Variants in KIAA1217 observed in about 807,000 individuals in gnomAD.
The protein encoded by KIAA1217 is sickle tail protein homolog.
Under a neutral mutation model 163.9 loss-of-function variants are expected in KIAA1217, and 88 were observed. The ratio of observed to expected loss-of-function variants is 0.54; its 90% CI spans 0.45 to 0.64. The LOEUF (loss-of-function observed/expected upper bound fraction) is 0.64, where lower values mean the gene tolerates loss of function less well. KIAA1217 is among the 30% of genes least tolerant of loss of function. The pLI is 0.00. For missense variants in KIAA1217, 2,372 were observed against 2,475.0 expected (o/e 0.96, Z 0.88); for synonymous variants, 903 against 923.1 (o/e 0.98, Z 0.39).
intron 3 of KIAA1217, among the ~76,000 whole-genome samples, chr10:24,400,325 AT>A (rs2056377877): frequency 6.6e-6 from 1 of 152,212 alleles, no homozygotes; most frequent in South Asian, 2.1e-4. Flanking sequence ...TGCAGTAACA[AT>A]TCCCAAATCT....
intron 6 of KIAA1217, chr10:24,482,207 A>G (rs557123598): frequency 6.6e-6 from 1 of 152,342 alleles, no homozygotes; most frequent in Admixed American, 6.5e-5. Context: ...CTTTAAACAA[A>G]TCAATATCTC....
intron 2 of KIAA1217, among the ~76,000 whole-genome samples, chr10:24,066,333 G>C (rs906245212): frequency 3.9e-5 from 6 of 152,126 alleles, no homozygotes; most frequent in Non-Finnish European, 7.4e-5. Flanking sequence ...TTTAGGGCAG[G>C]CCTGGTGGTG....
At chr10:24,126,478 A>G (rs779289990) in intron 2 of KIAA1217, among the ~76,000 whole-genome samples, 5 of 152,088 alleles carry the variant, frequency 3.3e-5, no homozygotes, top group Admixed American at 6.6e-5. Flanking sequence ...CCAAAGTCCC[A>G]TATTTATTGT....
intron 5 of KIAA1217, among the ~76,000 whole-genome samples, chr10:24,441,629 T>G (rs924715626): frequency 6.6e-6 from 1 of 152,072 alleles, no homozygotes; most frequent in Non-Finnish European, 1.5e-5. Context: ...AGACTTGTGG[T>G]TCTCGGCTGG....
intron 2 of KIAA1217, among the ~76,000 whole-genome samples, chr10:24,164,284 G>T (rs972302556): frequency 6.6e-6 from 1 of 152,194 alleles, no homozygotes; most frequent in Non-Finnish European, 1.5e-5. Context: ...GAATCACTTA[G>T]GTTCACTTCA....
intron 1 of KIAA1217, among the ~76,000 whole-genome samples, chr10:24,002,855 C>T (rs779610254): frequency 1.3e-5 from 2 of 152,138 alleles, no homozygotes; most frequent in African/African-American, 4.8e-5. Context: ...CTTATGCCTT[C>T]GCATTCTCAT....
intron 7 of KIAA1217, 195 bp from the exon 8 acceptor site, chr10:24,494,952 T>C (rs558452228): frequency 1.5e-5 from 9 of 594,104 alleles, no homozygotes; most frequent in Middle Eastern, 4.5e-4. Flanking sequence ...CCTGGCTGCA[T>C]TCCACCCCCA....
At chr10:23,858,289 G>T (rs1489568218) in intron 1 of KIAA1217, among the ~76,000 whole-genome samples, 3 of 152,120 alleles carry the variant, frequency 2.0e-5, no homozygotes, top group Non-Finnish European at 4.4e-5. Flanking sequence ...CATCATTTCA[G>T]CATAGTCGTG....
At chr10:23,873,688 TTC>T (rs752200216) in intron 1 of KIAA1217, among the ~76,000 whole-genome samples, 56 of 129,634 alleles carry the variant, frequency 4.3e-4, no homozygotes, top group Admixed American at 5.2e-4. Context: ...AGTTGTCTGT[TTC>T]TCTCTCTCTC....
chr10:24,538,639 AAGAG>A (rs1294767347), intron 17 of KIAA1217, among the ~76,000 whole-genome samples: 3 of 126,948 alleles, frequency 2.4e-5, no homozygotes, highest in South Asian at 2.5e-4. Flanking sequence ...AGGAAGGAAA[AAGAG>A]AGGAAGGGAG....
chr10:23,781,011 C>G (rs2130902359), intron 1 of KIAA1217, among the ~76,000 whole-genome samples: 1 of 152,262 alleles, frequency 6.6e-6, no homozygotes, highest in South Asian at 2.1e-4. Flanking sequence ...TATTTATAGA[C>G]AGCCACTTAG....
At chr10:24,394,493 G>T (rs947846396) in intron 3 of KIAA1217, among the ~76,000 whole-genome samples, 13 of 151,658 alleles carry the variant, frequency 8.6e-5, no homozygotes, top group African/African-American at 3.2e-4. Flanking sequence ...ATTAAGAATC[G>T]ATTTGGTTTC....
chr10:24,124,268 C>A (rs1230193543), intron 2 of KIAA1217, among the ~76,000 whole-genome samples: 1 of 152,022 alleles, frequency 6.6e-6, no homozygotes, highest in Non-Finnish European at 1.5e-5. Flanking sequence ...TATGAATAAG[C>A]AATTGCCCCA....
intron 2 of KIAA1217, among the ~76,000 whole-genome samples, chr10:24,267,909 C>T (rs909931448): frequency 1.1e-4 from 17 of 152,262 alleles, no homozygotes; most frequent in Admixed American, 2.0e-4. Flanking sequence ...GTTAAATTTT[C>T]ATAAATCAAA....
intron 2 of KIAA1217, among the ~76,000 whole-genome samples, chr10:24,041,598 G>A (rs1848636153): frequency 6.6e-6 from 1 of 152,060 alleles, no homozygotes; most frequent in South Asian, 2.1e-4. Flanking sequence ...TTATCAGTTA[G>A]TCGGTACCCT....
intron 5 of KIAA1217, chr10:24,466,894 A>C: frequency 1.6e-6 from 1 of 630,300 alleles, no homozygotes; most frequent in Non-Finnish European, 2.0e-6. Context: ...TATGTTTACA[A>C]ATTCTAGACT....
intron 1 of KIAA1217, among the ~76,000 whole-genome samples, 195 bp from the exon 2 acceptor site, chr10:24,219,431 T>C (rs1288626819): frequency 6.6e-6 from 1 of 152,172 alleles, no homozygotes; most frequent in Admixed American, 6.5e-5. Context: ...ATTTCTAAAG[T>C]ACGATTTTTC....
intron 1 of KIAA1217, among the ~76,000 whole-genome samples, chr10:23,886,290 A>G (rs1025687710): frequency 4.6e-5 from 7 of 151,924 alleles, no homozygotes; most frequent in African/African-American, 1.7e-4. Context: ...AGAAAACAAT[A>G]TTATTCTGAA....
chr10:24,038,614 C>T (rs1304680460), intron 2 of KIAA1217, among the ~76,000 whole-genome samples: 1 of 152,296 alleles, frequency 6.6e-6, no homozygotes, highest in African/African-American at 2.4e-5. Context: ...TGCAGTAGCA[C>T]CTGGGAGGGC....
Sources: gnomAD v4.1 joint callset for allele counts (sites outside exome capture counted in the v4.1 genomes callset) on GRCh38, gnomAD v4.1.1 for gene constraint, MANE v1.5 for transcripts, NCBI Gene and HGNC (gene_info 2026-07-23, HGNC 2026-07-21) for gene names.